MEAK7: variants seen among roughly 807,000 people sequenced by gnomAD.
MEAK7 encodes the protein MTOR associated protein MEAK7.
In MEAK7, 68 loss-of-function variants were observed where a neutral mutation model predicts 40.5. The observed-to-expected ratio is 1.68, with a 90% CI of 1.38 to 2.06. MEAK7 has a LOEUF of 2.06. MEAK7 is among the 30% of genes most tolerant of loss of function. MEAK7 has a pLI of 0.00. For synonymous variants in MEAK7, 338 were observed against 231.9 expected (o/e 1.46, Z -4.16); for missense variants, 918 against 580.5 (o/e 1.58, Z -5.98).
rs1043204917 is a variant in MEAK7, at chr16:84,496,158, G to T, written c.154-245C>A. Reference sequence around the variant, plus strand: ...CCAAGGTGATTCCCATGGCTTTCTTGCCCTTTCCCCACATGTTCCTGGCAA... The same window carrying T: ...CCAAGGTGATTCCCATGGCTTTCTTTCCCTTTCCCCACATGTTCCTGGCAA... On this transcript the variant is annotated intron_variant, in intron 2 of 7. Coordinates refer to ENST00000343629, the MANE Select transcript of MEAK7 (RefSeq NM_020947.4). Among the ~76,000 whole-genome samples, 104 of 152,294 alleles carry T rather than the reference G, an allele frequency of 6.8e-4. 1 individual carries two copies. Among genetic ancestry groups the T allele is most frequent in the African/African-American group, 2.5e-3 (102 of 41,566 alleles).
At chr16:84,492,601 A>G (rs1368498788) in intron 3 of MEAK7, among the ~76,000 whole-genome samples, 1 of 149,618 alleles carries the variant, frequency 6.7e-6, no homozygotes, top group Non-Finnish European at 1.5e-5. Flanking sequence ...TTATTTTTGG[A>G]GATGAAGTCT....
chr16:84,489,775 A>G (rs1189890767), intron 3 of MEAK7, among the ~76,000 whole-genome samples: 1 of 152,050 alleles, frequency 6.6e-6, no homozygotes, highest in Admixed American at 6.5e-5. Flanking sequence ...TGATCTCCCC[A>G]AATTTGGTTG....
chr16:84,503,991 C>G (rs1470181025), intron 1 of MEAK7: 1 of 985,526 alleles, frequency 1.0e-6, no homozygotes, highest in Non-Finnish European at 1.2e-6. Context: ...ACTGCCTCAT[C>G]TGGACAGGCT....
At chr16:84,496,109 G>A (rs954321375) in intron 2 of MEAK7, among the ~76,000 whole-genome samples, 196 bp from the exon 3 acceptor site, 16 of 152,166 alleles carry the variant, frequency 1.1e-4, no homozygotes, top group African/African-American at 3.9e-4. Context: ...GCAAATGCCG[G>A]CCATTAGAAA....
intron 3 of MEAK7, among the ~76,000 whole-genome samples, chr16:84,493,525 A>T (rs548232636): frequency 1.3e-5 from 2 of 152,346 alleles, no homozygotes; most frequent in South Asian, 4.1e-4. Flanking sequence ...TTACAACATT[A>T]GCTGTTTTTT....
In MEAK7 at chr16:84,480,035, G is replaced by A. The variant is rs373068747; in HGVS notation, c.1258-9C>T. The A allele has an allele frequency of 3.8e-6, 6 of 1,585,468 alleles. No individual in the cohort carries two copies. The highest frequency in any genetic ancestry group is 5.2e-6 in the Non-Finnish European group (6 of 1,160,606). On this transcript the variant is annotated splice_polypyrimidine_tract_variant and intron_variant, in intron 7 of 7. Transcript: ENST00000343629. ...CTCTTGTTGCCCTTGGCCTTGAGAAGAGAAGAAAGGGTGGGTGTGTTCCAT... is the reference window on the plus strand; with the variant it reads ...CTCTTGTTGCCCTTGGCCTTGAGAAAAGAAGAAAGGGTGGGTGTGTTCCAT...
At chr16:84,481,017 G>C (rs965217530) in intron 6 of MEAK7, among the ~76,000 whole-genome samples, 3 of 151,482 alleles carry the variant, frequency 2.0e-5, no homozygotes, top group African/African-American at 7.3e-5. Flanking sequence ...TATATATAGA[G>C]AAAGAGACCT....
intron 6 of MEAK7, 112 bp from the exon 7 acceptor site, chr16:84,480,820 G>A (rs1912473366): frequency 1.7e-6 from 2 of 1,205,214 alleles, no homozygotes; most frequent in Non-Finnish European, 2.3e-6. Flanking sequence ...ACAGGGGCGG[G>A]TGAGTGGTGA....
At chr16:84,484,106 G>A (rs1021078793) in intron 5 of MEAK7, among the ~76,000 whole-genome samples, 15 of 152,188 alleles carry the variant, frequency 9.9e-5, no homozygotes, top group Non-Finnish European at 1.9e-4. Flanking sequence ...TCCTGAGCCC[G>A]TCTTGCTGCG....
At chr16:84,487,164 A>C in intron 4 of MEAK7, 105 bp from the exon 5 acceptor site, 1 of 1,170,052 alleles carries the variant, frequency 8.5e-7, no homozygotes, top group Non-Finnish European at 1.2e-6. Flanking sequence ...ACATGCAATT[A>C]CTGAGCACAG....
chr16:84,486,405 C>T (rs1038497043), intron 5 of MEAK7: 1 of 1,332,264 alleles, frequency 7.5e-7, no homozygotes, highest in Non-Finnish European at 9.6e-7. Flanking sequence ...AATAACTGGG[C>T]CCGTGTCCTC....
chr16:84,495,540 C>T, intron 3 of MEAK7, 143 bp downstream of exon 3: 1 of 760,146 alleles, frequency 1.3e-6, no homozygotes, highest in Admixed American at 2.6e-5. Flanking sequence ...TTAACCTTGG[C>T]AAAATAAACT....
chr16:84,495,131 C>T (rs894704370), intron 3 of MEAK7, among the ~76,000 whole-genome samples: 13 of 151,996 alleles, frequency 8.6e-5, no homozygotes, highest in South Asian at 2.1e-4. Context: ...CGGCCAGGCA[C>T]GGTGGTGTGT....
chr16:84,494,469 T>C (rs879153444), intron 3 of MEAK7, among the ~76,000 whole-genome samples: 10 of 152,182 alleles, frequency 6.6e-5, no homozygotes, highest in African/African-American at 2.4e-4. Flanking sequence ...TTTGAAATCA[T>C]TAAAAAATAA....
At position 84,486,499 on chromosome 16, in the gene MEAK7, G is replaced by A. The variant is rs541913260; in HGVS notation, c.958+132C>T. On this transcript the variant is annotated intron_variant, in intron 5 of 7. Coordinates refer to ENST00000343629, the MANE Select transcript of MEAK7 (RefSeq NM_020947.4). ...TAGAGCAGCATCACATTTTCCTATC[G>A]CCCCGACTGCGTCTAGAGAAACACT... The A allele has an allele frequency of 2.8e-5, 40 of 1,441,346 alleles. No individual in the cohort carries two copies. In the Admixed American group the frequency reaches 2.9e-4, roughly 10 times the overall value. 89.3% of individuals were successfully genotyped at this position (1,441,346 alleles called of 1,614,324 possible).
At chr16:84,481,013 T>C (rs528713320) in intron 6 of MEAK7, among the ~76,000 whole-genome samples, 1 of 151,840 alleles carries the variant, frequency 6.6e-6, no homozygotes, top group Non-Finnish European at 1.5e-5. Flanking sequence ...TAAATATATA[T>C]AGAGAAAGAG....
In MEAK7 at chr16:84,479,649, G is replaced by C; in HGVS notation, c.*264C>G. On this transcript the variant is annotated 3_prime_UTR_variant, in exon 8 of 8. Transcript: ENST00000343629. ...AAGTATAAGACTGAGTTACTAATTT[G>C]ACACAAGATTTCTTGGAGAGATCCT... is the stretch of plus-strand genomic sequence containing the variant. The C allele has an allele frequency of 1.4e-5, 5 of 347,030 alleles. No individual in the cohort carries two copies. The highest frequency in any genetic ancestry group is 2.6e-5 in the Non-Finnish European group (5 of 193,598). 21.5% of individuals were successfully genotyped at this position (347,030 alleles called of 1,614,324 possible). A position where few individuals can be genotyped will look rare whatever the true frequency, so the allele number is the denominator to read the frequency against.
At chr16:84,493,247 G>A (rs746510850) in intron 3 of MEAK7, among the ~76,000 whole-genome samples, 1 of 152,170 alleles carries the variant, frequency 6.6e-6, no homozygotes, top group African/African-American at 2.4e-5. Context: ...AACCATGGCT[G>A]TTCTAAGACT....
chr16:84,482,709 C>T lies in MEAK7; in HGVS notation c.960G>A (p.Gly320=), dbSNP rs1912682664. ...CSWEVKPQFQ[G]DNRCFLFSIC... The stretch of plus-strand genomic sequence containing the variant: ...TGGAGAACAGGAAGCATCTGTTGTC[C>T]CCTGAAAGTAGCCAGAGAACAAAAC... Residue 320 remains glycine, a splice_region_variant and synonymous_variant, in exon 6 of 8, where the codon GGG becomes GGA. Coordinates refer to ENST00000343629, the MANE Select transcript of MEAK7 (RefSeq NM_020947.4). 1 of 1,614,034 alleles carries T rather than the reference C, an allele frequency of 6.2e-7. No homozygotes were observed. Among genetic ancestry groups the T allele is most frequent in the South Asian group, 1.1e-5 (1 of 91,066 alleles).
Sources: gnomAD v4.1 joint callset for allele counts (sites outside exome capture counted in the v4.1 genomes callset) on GRCh38, gnomAD v4.1.1 for gene constraint, MANE v1.5 for transcripts, NCBI Gene and HGNC (gene_info 2026-07-23, HGNC 2026-07-21) for gene names.